Variants in LAMA2 observed in about 807,000 individuals in gnomAD.
LAMA2 encodes laminin subunit alpha-2.
Under a neutral mutation model 364.8 loss-of-function variants are expected in LAMA2, and 269 were observed. That is an observed-to-expected ratio of 0.74 (90% CI 0.67 to 0.82). The LOEUF (loss-of-function observed/expected upper bound fraction) is 0.82, where lower values mean the gene tolerates loss of function less well. LAMA2 is among the 40% of genes least tolerant of loss of function. The probability of loss-of-function intolerance (pLI) is 0.00; values close to 1 mark genes in which losing one functional copy is unlikely to be tolerated. For missense variants in LAMA2, 3,807 were observed against 3,873.2 expected (o/e 0.98, Z 0.45); for synonymous variants, 1,379 against 1,370.6 (o/e 1.01, Z -0.14).
chr6:129,468,676 T>C (rs1427537469), intron 51 of LAMA2, among the ~76,000 whole-genome samples: 1 of 151,820 alleles, frequency 6.6e-6, no homozygotes, highest in Non-Finnish European at 1.5e-5. Flanking sequence ...AGCAGTAAAA[T>C]CTAAATTTAA....
chr6:129,066,043 T>TC (rs1789289694), intron 3 of LAMA2, among the ~76,000 whole-genome samples: 2 of 75,592 alleles, frequency 2.6e-5, no homozygotes, highest in Non-Finnish European at 2.9e-5. Flanking sequence ...CTCAGGTTTT[T>TC]TTTTTTTTTT....
chr6:129,435,512 T>C (rs1390558117), intron 41 of LAMA2, among the ~76,000 whole-genome samples: 7 of 152,152 alleles, frequency 4.6e-5, no homozygotes, highest in Non-Finnish European at 8.8e-5. Context: ...GGAAAGTATA[T>C]TTTGTGGGCT....
intron 20 of LAMA2, chr6:129,292,807 A>G (rs1789805548): frequency 7.1e-6 from 7 of 985,806 alleles, no homozygotes; most frequent in Non-Finnish European, 8.4e-6. Context: ...TTAAAGCCCA[A>G]TATGTGGCGG....
At chr6:129,428,637 G>T (rs954040214) in intron 41 of LAMA2, among the ~76,000 whole-genome samples, 1 of 151,918 alleles carries the variant, frequency 6.6e-6, no homozygotes, top group African/African-American at 2.4e-5. Flanking sequence ...TAGAGACAGG[G>T]TTTCACCATG....
At chr6:129,104,177 T>C (rs915350503) in intron 4 of LAMA2, among the ~76,000 whole-genome samples, 6 of 152,084 alleles carry the variant, frequency 3.9e-5, no homozygotes, top group Non-Finnish European at 8.8e-5. Flanking sequence ...TAAAATTTTT[T>C]TGTAGAGACA....
intron 2 of LAMA2, among the ~76,000 whole-genome samples, chr6:129,054,623 T>A (rs1223170344): frequency 6.6e-6 from 1 of 150,560 alleles, no homozygotes; most frequent in Non-Finnish European, 1.5e-5. Context: ...TATATACATA[T>A]ACTTATGTAT....
chr6:129,369,969 A>G lies in LAMA2; in HGVS notation c.4938A>G (p.Glu1646=), dbSNP rs373116759. The part of the protein sequence containing the change: ...AEGNLNTLVT[E]MNELLTRATK... Reference sequence around the variant, plus strand: ...GCAATCTGAATACACTCGTGACCGAAATGAACGAGCTGCTGACCAGGGTAA... The same window carrying G: ...GCAATCTGAATACACTCGTGACCGAGATGAACGAGCTGCTGACCAGGGTAA... The change falls in exon 34 of 65, where the codon GAA becomes GAG. Residue 1646 remains glutamate, a synonymous_variant. Coordinates refer to ENST00000421865, the MANE Select transcript of LAMA2 (RefSeq NM_000426.4). The G allele has an allele frequency of 2.0e-5, 33 of 1,613,948 alleles. No individual in the cohort carries two copies. Among genetic ancestry groups the G allele is most frequent in the Admixed American group, 5.0e-5 (3 of 60,002 alleles).
intron 7 of LAMA2, 138 bp from the exon 8 acceptor site, chr6:129,154,367 G>A (rs1778982314): frequency 1.6e-5 from 11 of 702,700 alleles, no homozygotes; most frequent in South Asian, 5.0e-5. Flanking sequence ...AGCCGAGATC[G>A]TGCCACTCTG....
chr6:129,087,145 C>G (rs1482560360), intron 3 of LAMA2, among the ~76,000 whole-genome samples: 1 of 152,112 alleles, frequency 6.6e-6, no homozygotes, highest in African/African-American at 2.4e-5. Flanking sequence ...GGGTCATATT[C>G]ACAGGTTCCA....
rs140860458 is a variant in LAMA2, at chr6:128,927,711, T to C, written c.112+44354T>C. Among the ~76,000 whole-genome samples the C allele has an allele frequency of 4.6e-5, 7 of 152,314 alleles. No homozygotes were observed. In the East Asian group the frequency reaches 7.7e-4, roughly 17 times the overall value. Reference sequence around the variant, plus strand: ...GATTCCTACTAGATCCCTATCTTTCTTCCCGTTACTATATCAGTGAGCAAG... The same window carrying C: ...GATTCCTACTAGATCCCTATCTTTCCTCCCGTTACTATATCAGTGAGCAAG... On this transcript the variant is annotated intron_variant, in intron 1 of 64. Transcript: ENST00000421865.
At chr6:128,901,573 G>A (rs778508010) in intron 1 of LAMA2, among the ~76,000 whole-genome samples, 1 of 152,118 alleles carries the variant, frequency 6.6e-6, no homozygotes. Flanking sequence ...CAAATGTGAA[G>A]CATATGACAC....
At chr6:128,971,199 T>C (rs995986775) in intron 1 of LAMA2, among the ~76,000 whole-genome samples, 12 of 152,234 alleles carry the variant, frequency 7.9e-5, no homozygotes, top group Non-Finnish European at 1.8e-4. Context: ...AGCATTTTGT[T>C]ACACATATCT....
intron 1 of LAMA2, among the ~76,000 whole-genome samples, chr6:129,011,860 T>G (rs1233821028): frequency 6.6e-6 from 1 of 152,224 alleles, no homozygotes; most frequent in Non-Finnish European, 1.5e-5. Flanking sequence ...ATTGTAAATG[T>G]CCTAAGCCTC....
At chr6:129,179,663 A>G (rs998042542) in intron 10 of LAMA2, among the ~76,000 whole-genome samples, 2 of 152,174 alleles carry the variant, frequency 1.3e-5, no homozygotes, top group African/African-American at 4.8e-5. Context: ...ATAAACAGCA[A>G]TTAAGAAATC....
chr6:129,298,859 T>C (rs1394002966), intron 21 of LAMA2, among the ~76,000 whole-genome samples: 2 of 152,138 alleles, frequency 1.3e-5, no homozygotes, highest in Non-Finnish European at 2.9e-5. Flanking sequence ...TTATTCTAAA[T>C]GATAAGTTTA....
chr6:129,160,377 T>C (rs899561026), intron 8 of LAMA2, among the ~76,000 whole-genome samples: 9 of 152,260 alleles, frequency 5.9e-5, no homozygotes, highest in South Asian at 4.1e-4. Context: ...TCATTGGCAA[T>C]TGGCAGTTTT....
At chr6:129,105,591 G>A (rs747885988) in intron 4 of LAMA2, among the ~76,000 whole-genome samples, 28 of 152,154 alleles carry the variant, frequency 1.8e-4, no homozygotes, top group Non-Finnish European at 4.1e-4. Context: ...GGAGAACAGG[G>A]CACCAGTTAT....
intron 12 of LAMA2, among the ~76,000 whole-genome samples, chr6:129,233,275 A>G (rs1480608881): frequency 1.3e-5 from 2 of 152,156 alleles, no homozygotes; most frequent in South Asian, 2.1e-4. Flanking sequence ...GCAATAGGAA[A>G]CTAATGCAAT....
At chr6:129,266,930 C>G (rs1787558835) in intron 15 of LAMA2, among the ~76,000 whole-genome samples, 176 bp from the exon 16 acceptor site, 1 of 152,072 alleles carries the variant, frequency 6.6e-6, no homozygotes, top group Non-Finnish European at 1.5e-5. Flanking sequence ...GTGCAAAGCC[C>G]CAGTGTCAGG....
Sources: allele counts gnomAD v4.1 joint callset (sites outside exome capture counted in the v4.1 genomes callset), GRCh38; gene constraint gnomAD v4.1.1; transcripts MANE v1.5; gene names NCBI Gene and HGNC (gene_info 2026-07-23, HGNC 2026-07-21).